ITPKC: variants seen among roughly 807,000 people sequenced by gnomAD.
The protein encoded by ITPKC is inositol-trisphosphate 3-kinase C, also known as IP3 3-kinase C.
Under a neutral mutation model 67.1 loss-of-function variants are expected in ITPKC, and 33 were observed. The observed-to-expected ratio is 0.49, with a 90% confidence interval of 0.37 to 0.66. ITPKC has a LOEUF of 0.66. Ranked by LOEUF, ITPKC falls within the 30% of genes least tolerant of loss-of-function variation. The pLI is 0.00. For missense variants in ITPKC, 820 were observed against 892.1 expected (o/e 0.92, Z 1.03); for synonymous variants, 341 against 359.8 (o/e 0.95, Z 0.59).
rs2082196528 is a variant in ITPKC, at chr19:40,717,561, A to G, written c.426A>G (p.Thr142=). The G allele has an allele frequency of 6.2e-7, 1 of 1,614,172 alleles. No individual in the cohort carries two copies. The highest frequency in any genetic ancestry group is 2.2e-5 in the East Asian group (1 of 44,876). Residue 142 remains threonine, a synonymous_variant, in exon 1 of 7, where the codon ACA becomes ACG. Transcript: ENST00000263370. ...ETTCLWTETG[T]DGLWTDPHRS... Reference sequence around the variant, plus strand: ...CTTGTCTTTGGACGGAGACCGGGACAGATGGCCTTTGGACTGATCCGCACA... The same window carrying G: ...CTTGTCTTTGGACGGAGACCGGGACGGATGGCCTTTGGACTGATCCGCACA...
At position 40,739,221 on chromosome 19, in the gene ITPKC, G is replaced by A. The variant is rs530714917; in HGVS notation, c.1849-136G>A. On this transcript the variant is annotated intron_variant, in intron 6 of 6. Transcript: ENST00000263370. ...CTGCCTAAGGCTGCACAGACAGGAG[G>A]TGGCACAGCCAGGATATGAATCAGG... 34 of 634,094 alleles carry A rather than the reference G, an allele frequency of 5.4e-5. No individual in the cohort carries two copies. In the South Asian group the frequency reaches 6.6e-4, roughly 12 times the overall value. 39.3% of individuals were successfully genotyped at this position (634,094 alleles called of 1,614,324 possible). A position where few individuals can be genotyped will look rare whatever the true frequency, so the allele number is the denominator to read the frequency against.
chr19:40,738,552 A>T (rs994118290), intron 6 of ITPKC, among the ~76,000 whole-genome samples: 2 of 151,252 alleles, frequency 1.3e-5, no homozygotes, highest in Non-Finnish European at 2.9e-5. Flanking sequence ...ACTCTGTCTC[A>T]AAAAAAAAGC....
chr19:40,733,429 C>G lies in ITPKC; in HGVS notation c.1674+65C>G, dbSNP rs2144750821. 2.0e-6 allele frequency: 3 copies of G among 1,482,546 alleles called. No homozygotes were observed. The East Asian group carries it at 7.4e-5, about 37-fold the overall frequency. The allele number at this position is 1,482,546 out of a possible 1,614,324, so 91.8% of individuals were successfully genotyped here. On this transcript the variant is annotated intron_variant, in intron 4 of 6. Transcript: ENST00000263370. ...TATAGCCAGATCCCAGGCAGGGCTT[C>G]TTGGGGAAAGCCACGAGAGAGTGCA...
intron 5 of ITPKC, among the ~76,000 whole-genome samples, chr19:40,737,364 T>C (rs895355328): frequency 6.6e-6 from 1 of 152,182 alleles, no homozygotes; most frequent in African/African-American, 2.4e-5. Flanking sequence ...AGAGAACAAG[T>C]AAAAATGCAA....
intron 5 of ITPKC, 142 bp downstream of exon 5, chr19:40,737,229 C>A: frequency 1.6e-6 from 1 of 635,414 alleles, no homozygotes; most frequent in Non-Finnish European, 2.8e-6. Context: ...CAGCTGGTGG[C>A]TTGGCAAGGC....
chr19:40,724,114 T>C (rs2082234959), intron 1 of ITPKC, among the ~76,000 whole-genome samples: 3 of 152,146 alleles, frequency 2.0e-5, no homozygotes, highest in African/African-American at 7.2e-5. Flanking sequence ...CCCAGTTAAT[T>C]GGCCAAAGCA....
intron 1 of ITPKC, among the ~76,000 whole-genome samples, chr19:40,719,090 GAGCC>G (rs1411587252): frequency 5.3e-5 from 8 of 152,158 alleles, no homozygotes; most frequent in Non-Finnish European, 1.0e-4. Flanking sequence ...GTGGGGCTGG[GAGCC>G]GAGTCCGGAG....
In ITPKC at chr19:40,739,381, G is replaced by A. The variant is rs773845156; in HGVS notation, c.1873G>A (p.Val625Met). 35 of 1,613,606 alleles carry A rather than the reference G, an allele frequency of 2.2e-5. No individual in the cohort carries two copies. The Admixed American group carries it at 4.2e-4, about 19-fold the overall frequency. Residue 625 changes from valine to methionine, a missense_variant, in exon 7 of 7, where the codon GTG becomes ATG. Around this residue, in one of 2 missense-constraint regions of ITPKC, gnomAD observed 339 missense variants for 422.0 expected, o/e 0.80. Coordinates refer to ENST00000263370, the MANE Select transcript of ITPKC (RefSeq NM_025194.3). ...HEVVGSSLLF[V>M]HDHTGLAKVW... is the part of the protein sequence containing the mutation. ...GGTGGTAGGCAGCTCCCTCCTCTTC[G>A]TGCACGACCACACCGGCCTGGCCAA...
intron 1 of ITPKC, among the ~76,000 whole-genome samples, chr19:40,724,317 G>A (rs2082236095): frequency 6.6e-6 from 1 of 152,200 alleles, no homozygotes; most frequent in Non-Finnish European, 1.5e-5. Context: ...TTGAGTCCAG[G>A]AGTTGGAGGT....
chr19:40,721,201 C>T (rs7251246), intron 1 of ITPKC, among the ~76,000 whole-genome samples: 69,193 of 151,646 alleles, frequency 0.46, 16,612 homozygotes, highest in South Asian at 0.58. Flanking sequence ...ACCAATCAGC[C>T]GACAGTCACA....
At chr19:40,738,018 G>T (rs1233634085) in intron 6 of ITPKC, among the ~76,000 whole-genome samples, 1 of 151,526 alleles carries the variant, frequency 6.6e-6, no homozygotes, top group East Asian at 1.9e-4. Flanking sequence ...AAAAGGCCGG[G>T]TGCAGTGGCT....
In ITPKC at chr19:40,739,639, G is replaced by A. The variant is rs1339252406; in HGVS notation, c.*79G>A. ...CCTGAGATGCCATGGGAGGCCTGAG[G>A]TTGGCCACGGGGGAGCTGGCCTCCA... On this transcript the variant is annotated 3_prime_UTR_variant, in exon 7 of 7. Transcript: ENST00000263370. 9.1e-6 allele frequency: 12 copies of A among 1,323,080 alleles called. No individual in the cohort carries two copies. Among genetic ancestry groups the A allele is most frequent in the Non-Finnish European group, 1.3e-5 (12 of 956,020 alleles). The allele number at this position is 1,323,080 out of a possible 1,614,324, so 82.0% of individuals were successfully genotyped here. A position where few individuals can be genotyped will look rare whatever the true frequency, so the allele number is the denominator to read the frequency against.
At chr19:40,725,661 C>T (rs1700218186) in intron 2 of ITPKC, among the ~76,000 whole-genome samples, 1 of 152,216 alleles carries the variant, frequency 6.6e-6, no homozygotes, top group Non-Finnish European at 1.5e-5. Context: ...TCAGACGGAC[C>T]TGAGCTCAAA....
At chr19:40,729,611 CA>C (rs1477014727) in intron 3 of ITPKC, among the ~76,000 whole-genome samples, 196 bp downstream of exon 3, 1 of 151,970 alleles carries the variant, frequency 6.6e-6, no homozygotes, top group African/African-American at 2.4e-5. Context: ...ACTAAAAATA[CA>C]AAAAATTAGC....
chr19:40,733,203 C>A lies in ITPKC; in HGVS notation c.1513C>A (p.Arg505Ser). 6.2e-7 allele frequency: 1 copy of A among 1,614,216 alleles called. No individual in the cohort carries two copies. Among genetic ancestry groups the A allele is most frequent in the South Asian group, 1.1e-5 (1 of 91,086 alleles). The change falls in exon 4 of 7, where the codon CGT becomes AGT. Residue 505 changes from arginine to serine, a missense_variant. By Grantham distance (110) the Arg-to-Ser change is moderately radical. Transcript: ENST00000263370. The part of the protein sequence containing the change: ...EELVKARERP[R>S]PRKDMYEKMV... The stretch of plus-strand genomic sequence containing the variant: ...GCTAGTGAAGGCACGGGAACGTCCC[C>A]GTCCCCGGAAGGACATGTATGAGAA...
chr19:40,725,053 C>T (rs1207749830), intron 1 of ITPKC, among the ~76,000 whole-genome samples: 4 of 151,994 alleles, frequency 2.6e-5, no homozygotes, highest in Non-Finnish European at 5.9e-5. Context: ...CTCATAAGAT[C>T]CTTACTCATA....
In ITPKC at chr19:40,717,806, A is replaced by G; in HGVS notation, c.671A>G (p.Lys224Arg). The change falls in exon 1 of 7, where the codon AAA becomes AGA. Residue 224 changes from lysine to arginine, a missense_variant. Coordinates refer to ENST00000263370, the MANE Select transcript of ITPKC (RefSeq NM_025194.3). ...GAGCCAAGTGCTGATGGCTCCTGGAAAGAATTGTATACTGATGGCTCCAGG... is the reference window on the plus strand; with the variant it reads ...GAGCCAAGTGCTGATGGCTCCTGGAGAGAATTGTATACTGATGGCTCCAGG... ...SKEPSADGSW[K>R]ELYTDGSRTQ... The G allele has an allele frequency of 6.2e-7, 1 of 1,614,050 alleles. No individual in the cohort carries two copies. Among genetic ancestry groups the G allele is most frequent in the South Asian group, 1.1e-5 (1 of 91,082 alleles).
intron 6 of ITPKC, 46 bp from the exon 7 acceptor site, chr19:40,739,311 G>A: frequency 6.9e-7 from 1 of 1,442,246 alleles, no homozygotes; most frequent in South Asian, 1.2e-5. Flanking sequence ...AAGGGACCTT[G>A]GCCAGTGCCT....
chr19:40,731,608 T>TG (rs1191807585), intron 3 of ITPKC, among the ~76,000 whole-genome samples: 3 of 139,358 alleles, frequency 2.2e-5, no homozygotes, highest in Non-Finnish European at 4.8e-5. Flanking sequence ...TTTTTTTTTT[T>TG]TTTTTTTTTT....
Sources: gnomAD v4.1 joint callset for allele counts (sites outside exome capture counted in the v4.1 genomes callset) on GRCh38, gnomAD v4.1.1 for gene constraint, gnomAD v4.1.1 regional missense constraint, MANE v1.5 for transcripts, NCBI Gene and HGNC (gene_info 2026-07-23, HGNC 2026-07-21) for gene names.